The following PTPRU variants were observed in gnomAD, a reference collection of about 807,000 sequenced individuals.
PTPRU encodes the protein receptor-type tyrosine-protein phosphatase U.
In PTPRU, 69 loss-of-function variants were observed where a neutral mutation model predicts 166.3. The observed-to-expected ratio is 0.41, with a 90% confidence interval of 0.34 to 0.51. The LOEUF (loss-of-function observed/expected upper bound fraction) is 0.51, where lower values mean the gene tolerates loss of function less well. PTPRU is among the 20% of genes least tolerant of loss of function. PTPRU has a pLI of 0.09. For synonymous variants in PTPRU, 793 were observed against 814.0 expected (o/e 0.97, Z 0.44); for missense variants, 1,657 against 2,013.7 (o/e 0.82, Z 3.39).
Position 29,311,190 on chromosome 1 carries a change from A to T in PTPRU, c.2858-266A>T, listed in dbSNP as rs1362861350. 6.6e-6 allele frequency among the ~76,000 whole-genome samples: 1 copy of T among 152,112 alleles called. No individual in the cohort carries two copies. Among genetic ancestry groups the T allele is most frequent in the Non-Finnish European group, 1.5e-5 (1 of 68,002 alleles). ...ATCTGTCTGTCCCTCCTGGACACTC[A>T]TGCCATTGCCCAACCATCTGGTCCT... On this transcript the variant is annotated intron_variant, in intron 19 of 29. Transcript: ENST00000373779. The surrounding 1 kb of genome is among the most constrained non-coding windows in gnomAD (Gnocchi z 4.1).
intron 25 of PTPRU, among the ~76,000 whole-genome samples, chr1:29,319,408 T>A (rs1217809323): frequency 1.3e-5 from 2 of 152,138 alleles, no homozygotes; most frequent in East Asian, 3.9e-4. Context: ...CCTCCTGAGG[T>A]CCTTGATGCC....
At chr1:29,301,743 C>G (rs988197332) in intron 15 of PTPRU, among the ~76,000 whole-genome samples, 7 of 152,138 alleles carry the variant, frequency 4.6e-5, no homozygotes, top group Admixed American at 1.3e-4. Context: ...CTCCCCTCAT[C>G]CCATGACAGG....
intron 18 of PTPRU, chr1:29,307,275 G>GC: frequency 1.6e-6 from 2 of 1,263,262 alleles, no homozygotes; most frequent in Non-Finnish European, 1.1e-6. Context: ...CTACTTATGT[G>GC]CCCAGCACCA....
chr1:29,249,158 G>A (rs888456995), intron 1 of PTPRU, among the ~76,000 whole-genome samples: 2 of 85,092 alleles, frequency 2.4e-5, no homozygotes, highest in African/African-American at 8.1e-5. Context: ...GTGCACGTGT[G>A]CACACACACA....
chr1:29,269,322 T>A (rs1416006257), intron 7 of PTPRU, among the ~76,000 whole-genome samples: 1 of 134,114 alleles, frequency 7.5e-6, no homozygotes, highest in East Asian at 2.5e-4. Context: ...CTTAAACTCC[T>A]GGCTTCAAGG....
At chr1:29,293,041 G>A (rs548530703) in intron 15 of PTPRU, among the ~76,000 whole-genome samples, 3 of 151,840 alleles carry the variant, frequency 2.0e-5, no homozygotes, top group African/African-American at 4.8e-5. Flanking sequence ...GTGCAGTGGT[G>A]TGATCTTGGC....
At chr1:29,268,100 C>T (rs1305665797) in intron 7 of PTPRU, among the ~76,000 whole-genome samples, 3 of 152,094 alleles carry the variant, frequency 2.0e-5, no homozygotes, top group Non-Finnish European at 2.9e-5. Context: ...GCTGATTTGA[C>T]GTGGGTGTCA....
chr1:29,315,966 G>A lies in PTPRU; in HGVS notation c.3364-36G>A. The A allele has an allele frequency of 2.5e-6, 4 of 1,610,436 alleles. No individual in the cohort carries two copies. The highest frequency in any genetic ancestry group is 3.4e-6 in the Non-Finnish European group (4 of 1,177,754). The stretch of plus-strand genomic sequence containing the variant: ...ATCACCACAGATCTCCAGCTTCTAG[G>A]CCCCTCCTCGGCCTCATTCTCATCT... On this transcript the variant is annotated intron_variant, in intron 23 of 29. Coordinates refer to ENST00000373779, the MANE Select transcript of PTPRU (RefSeq NM_133178.4). The surrounding 1 kb of genome is among the most constrained non-coding windows in gnomAD (Gnocchi z 4.5).
chr1:29,291,819 C>T lies in PTPRU; in HGVS notation c.2319-50C>T, dbSNP rs907972006. 3.8e-6 allele frequency: 6 copies of T among 1,595,974 alleles called. No homozygotes were observed. The African/African-American group carries it at 5.4e-5, about 14-fold the overall frequency. On this transcript the variant is annotated intron_variant, in intron 14 of 29. Coordinates refer to ENST00000373779, the MANE Select transcript of PTPRU (RefSeq NM_133178.4). The surrounding 1 kb of genome is among the most constrained non-coding windows in gnomAD (Gnocchi z 4.1). The stretch of plus-strand genomic sequence containing the variant: ...GGGCCTCCCCAGCCACCTCTGGGTG[C>T]TGTCCAGCCCCACACAATGCCTGTG...
Position 29,315,244 on chromosome 1 carries a change from G to C in PTPRU, c.3228-128G>C. On this transcript the variant is annotated intron_variant, in intron 22 of 29. Transcript: ENST00000373779. The surrounding 1 kb of genome is among the most constrained non-coding windows in gnomAD (Gnocchi z 4.5). ...CGTCCTGGCTCCTTACTCGGGGAGG[G>C]GCAGTCATCTCTGTGTCCGTGTCCC... The C allele has an allele frequency of 8.5e-7, 1 of 1,177,480 alleles. No individual in the cohort carries two copies. The allele number at this position is 1,177,480 out of a possible 1,614,324, so 72.9% of individuals were successfully genotyped here.
intron 15 of PTPRU, 53 bp downstream of exon 15, chr1:29,292,079 G>A: frequency 1.3e-6 from 2 of 1,598,858 alleles, no homozygotes; most frequent in South Asian, 1.1e-5. Context: ...CTCCCAACCT[G>A]AGACAATAGG....
At chr1:29,255,903 A>G (rs1375093421) in intron 2 of PTPRU, among the ~76,000 whole-genome samples, 3 of 152,146 alleles carry the variant, frequency 2.0e-5, no homozygotes, top group South Asian at 2.1e-4. Context: ...CTGTGTTCCT[A>G]TTTCAAGATG....
rs1684983167 is a variant in PTPRU at position 29,260,103 on chromosome 1, A to G, written c.850+59A>G. ...TCACCCTCGAGGGGCGGGGCCGGCG[A>G]CGGGGGCGGGCTCTGCCCGGGGGCG... On this transcript the variant is annotated intron_variant, in intron 6 of 29. Transcript: ENST00000373779. The surrounding 1 kb of genome is among the most constrained non-coding windows in gnomAD (Gnocchi z 8.3). 1.1e-6 allele frequency: 1 copy of G among 925,264 alleles called. No individual in the cohort carries two copies. The highest frequency in any genetic ancestry group is 6.3e-5 in the East Asian group (1 of 15,818). 57.3% of individuals were successfully genotyped at this position (925,264 alleles called of 1,614,324 possible).
intron 15 of PTPRU, among the ~76,000 whole-genome samples, chr1:29,296,887 T>A (rs1050619364): frequency 1.3e-5 from 2 of 151,984 alleles, no homozygotes; most frequent in Non-Finnish European, 2.9e-5. Flanking sequence ...TCTATTTTTT[T>A]AAAAATAGAA....
Position 29,315,955 on chromosome 1 carries a change from C to T in PTPRU, c.3364-47C>T, listed in dbSNP as rs769988790. 1.1e-5 allele frequency: 18 copies of T among 1,604,714 alleles called. No individual in the cohort carries two copies. The highest frequency in any genetic ancestry group is 1.4e-5 in the Non-Finnish European group (17 of 1,174,520). ...GCTTAAGCCCCATCACCACAGATCT[C>T]CAGCTTCTAGGCCCCTCCTCGGCCT... On this transcript the variant is annotated intron_variant, in intron 23 of 29. Coordinates refer to ENST00000373779, the MANE Select transcript of PTPRU (RefSeq NM_133178.4). The surrounding 1 kb of genome is among the most constrained non-coding windows in gnomAD (Gnocchi z 4.5).
rs753003854 is a variant in PTPRU at position 29,259,561 on chromosome 1, G to A, written c.672G>A (p.Leu224=). The change falls in exon 5 of 30, where the codon TTG becomes TTA. Residue 224 remains leucine, a synonymous_variant. Transcript: ENST00000373779. ...GRAAEAERFL[L]QRQSGALVPA... ...CGGCCGAGGCCGAACGCTTCCTCTT[G>A]CAAGTGAGCGGGAGCGGTGATCTTG... is the stretch of plus-strand genomic sequence containing the variant. 3 of 1,081,182 alleles carry A rather than the reference G, an allele frequency of 2.8e-6. No individual in the cohort carries two copies. In the African/African-American group the frequency reaches 4.9e-5, roughly 18 times the overall value. The allele number at this position is 1,081,182 out of a possible 1,614,324, so 67.0% of individuals were successfully genotyped here. A position where few individuals can be genotyped will look rare whatever the true frequency, so the allele number is the denominator to read the frequency against.
In PTPRU at chr1:29,288,506, C is replaced by T. The variant is rs1286569630; in HGVS notation, c.2319-3363C>T. Reference sequence around the variant, plus strand: ...GCCAGAAGAATGCCATTTCTTCAGCCGTGTCCTCCCTCGTGGGGCCTCTGC... The same window carrying T: ...GCCAGAAGAATGCCATTTCTTCAGCTGTGTCCTCCCTCGTGGGGCCTCTGC... On this transcript the variant is annotated intron_variant, in intron 14 of 29. Transcript: ENST00000373779. Among the ~76,000 whole-genome samples the T allele has an allele frequency of 2.6e-5, 4 of 152,258 alleles. No homozygotes were observed. In the East Asian group the frequency reaches 7.7e-4, roughly 29 times the overall value.
At chr1:29,286,149 G>T (rs951841712) in intron 14 of PTPRU, among the ~76,000 whole-genome samples, 1 of 152,246 alleles carries the variant, frequency 6.6e-6, no homozygotes, top group African/African-American at 2.4e-5. Context: ...GAGTCTAGGG[G>T]TGGAGTGTGC....
Position 29,326,401 on chromosome 1 carries a change from C to T in PTPRU, c.*740C>T, listed in dbSNP as rs1024065579. 1 of 153,202 alleles carries T rather than the reference C, an allele frequency of 6.5e-6. No homozygotes were observed. Among genetic ancestry groups the T allele is most frequent in the Admixed American group, 6.5e-5 (1 of 15,298 alleles). 9.5% of individuals were successfully genotyped at this position (153,202 alleles called of 1,614,324 possible). A position where few individuals can be genotyped will look rare whatever the true frequency, so the allele number is the denominator to read the frequency against. On this transcript the variant is annotated 3_prime_UTR_variant, in exon 30 of 30. Transcript: ENST00000373779. ...TTGCAGAATGAAGTCACCTCGCCCC[C>T]CTCTTCCTTTAATCTTCAGGCCTCA...
Sources: allele counts gnomAD v4.1 joint callset (sites outside exome capture counted in the v4.1 genomes callset), GRCh38; gene constraint gnomAD v4.1.1; non-coding constraint Gnocchi (gnomAD v3.1); transcripts MANE v1.5; gene names NCBI Gene and HGNC (gene_info 2026-07-23, HGNC 2026-07-21).